NKAIN2: variants seen among roughly 807,000 people sequenced by gnomAD.
NKAIN2 encodes the protein sodium/potassium transporting ATPase interacting 2.
A neutral mutation model predicts 32.6 loss-of-function variants in NKAIN2; 14 were observed. That is an observed-to-expected ratio of 0.43 (90% CI 0.28 to 0.67). The LOEUF is 0.67. NKAIN2 is among the 30% of genes least tolerant of loss of function. The probability of loss-of-function intolerance (pLI) is 0.17; values close to 1 mark genes in which losing one functional copy is unlikely to be tolerated. For missense variants in NKAIN2, 198 were observed against 258.3 expected (o/e 0.77, Z 1.60); for synonymous variants, 80 against 87.2 (o/e 0.92, Z 0.46).
chr6:124,613,080 G>A (rs994994618), intron 3 of NKAIN2, among the ~76,000 whole-genome samples: 10 of 152,124 alleles, frequency 6.6e-5, no homozygotes, highest in Non-Finnish European at 1.3e-4. Flanking sequence ...AAGCATGAAC[G>A]TGTTGAACAG....
In NKAIN2 at chr6:124,466,551, C is replaced by T. The variant is rs1040412609; in HGVS notation, c.273+111204C>T. Among the ~76,000 whole-genome samples, 3 of 151,816 alleles carry T rather than the reference C, an allele frequency of 2.0e-5. No homozygotes were observed. In the South Asian group the frequency reaches 6.2e-4, roughly 32 times the overall value. The stretch of plus-strand genomic sequence containing the variant: ...CTGCTCATCCATCAAATCCTATGAC[C>T]TTGAAAGAAGGCAGCAGCCCTTCTT... On this transcript the variant is annotated intron_variant, in intron 3 of 6. Transcript: ENST00000368417.
At chr6:123,952,800 T>A (rs1317504212) in intron 1 of NKAIN2, among the ~76,000 whole-genome samples, 1 of 152,152 alleles carries the variant, frequency 6.6e-6, no homozygotes, top group Non-Finnish European at 1.5e-5. Flanking sequence ...TTGTTCCTAT[T>A]TTTTTGTATT....
At chr6:124,264,707 T>C (rs1223957512) in intron 1 of NKAIN2, among the ~76,000 whole-genome samples, 1 of 152,190 alleles carries the variant, frequency 6.6e-6, no homozygotes, top group Non-Finnish European at 1.5e-5. Flanking sequence ...TACCATAGCC[T>C]TATCATTTTT....
intron 4 of NKAIN2, among the ~76,000 whole-genome samples, chr6:124,759,562 C>T (rs751440925): frequency 1.6e-4 from 24 of 146,186 alleles, no homozygotes; most frequent in South Asian, 4.4e-4. Flanking sequence ...GGAAGTCTGC[C>T]CCCTAGCCAC....
chr6:124,546,834 TAGG>T (rs1019853714), intron 3 of NKAIN2, among the ~76,000 whole-genome samples: 1 of 152,076 alleles, frequency 6.6e-6, no homozygotes, highest in Admixed American at 6.6e-5. Context: ...TGATAGTGAA[TAGG>T]AGAAGAACAT....
intron 1 of NKAIN2, among the ~76,000 whole-genome samples, chr6:124,057,662 A>G (rs973578612): frequency 1.3e-5 from 2 of 150,742 alleles, no homozygotes; most frequent in African/African-American, 4.9e-5. Context: ...ATCCATCTGT[A>G]CTATCAAAAT....
At chr6:123,949,681 G>A (rs969510070) in intron 1 of NKAIN2, among the ~76,000 whole-genome samples, 7 of 151,684 alleles carry the variant, frequency 4.6e-5, no homozygotes, top group African/African-American at 7.3e-5. Context: ...CTTATTTATC[G>A]GTTTAAGATT....
Position 124,650,956 on chromosome 6 carries a change from C to T in NKAIN2, c.274-7230C>T, listed in dbSNP as rs185541590. On this transcript the variant is annotated intron_variant, in intron 3 of 6. Transcript: ENST00000368417. ...TCTTCCTGAGGCAAATTCCCTCTAG[C>T]TTGAGCCTATGAAATCAAAACAAGT... 5.2e-4 allele frequency among the ~76,000 whole-genome samples: 79 copies of T among 152,272 alleles called. No individual in the cohort carries two copies. In the East Asian group the frequency reaches 0.011, roughly 21 times the overall value.
chr6:124,379,529 C>T (rs150428641), intron 3 of NKAIN2, among the ~76,000 whole-genome samples: 389 of 152,040 alleles, frequency 2.6e-3, no homozygotes, highest in African/African-American at 6.5e-3. Context: ...GAATTGGCCC[C>T]GATACAGGTT....
chr6:124,664,143 C>T (rs980857557), intron 4 of NKAIN2, among the ~76,000 whole-genome samples: 11 of 151,812 alleles, frequency 7.2e-5, no homozygotes, highest in Non-Finnish European at 1.3e-4. Context: ...GACATGGTGG[C>T]GGATGCATGT....
chr6:123,809,228 A>G (rs758884771), intron 1 of NKAIN2, among the ~76,000 whole-genome samples: 1 of 152,148 alleles, frequency 6.6e-6, no homozygotes, highest in Non-Finnish European at 1.5e-5. Flanking sequence ...TTTCTGATAT[A>G]ATGAACTCTT....
At chr6:124,136,772 T>G (rs1250921686) in intron 1 of NKAIN2, among the ~76,000 whole-genome samples, 1 of 152,140 alleles carries the variant, frequency 6.6e-6, no homozygotes, top group African/African-American at 2.4e-5. Flanking sequence ...GTCATCTCAA[T>G]AGATGTAGAG....
intron 4 of NKAIN2, among the ~76,000 whole-genome samples, chr6:124,705,161 A>G (rs1461217418): frequency 3.9e-5 from 6 of 152,134 alleles, no homozygotes; most frequent in Non-Finnish European, 7.4e-5. Context: ...CTAGGAAGGA[A>G]TAACTAAGTA....
At chr6:124,538,825 C>T (rs1426835752) in intron 3 of NKAIN2, among the ~76,000 whole-genome samples, 1 of 152,028 alleles carries the variant, frequency 6.6e-6, no homozygotes, top group Non-Finnish European at 1.5e-5. Flanking sequence ...TAGACTTTAC[C>T]CATATTTTTT....
At chr6:123,996,971 G>T (rs574235357) in intron 1 of NKAIN2, among the ~76,000 whole-genome samples, 1 of 152,208 alleles carries the variant, frequency 6.6e-6, no homozygotes, top group Non-Finnish European at 1.5e-5. Flanking sequence ...TGAAAGAGTT[G>T]TTTAGAAAAA....
chr6:123,882,460 G>A (rs1044459016), intron 1 of NKAIN2, among the ~76,000 whole-genome samples: 5 of 152,038 alleles, frequency 3.3e-5, no homozygotes, highest in Admixed American at 6.6e-5. Flanking sequence ...TTAATAGAAG[G>A]AGGTAATTTA....
chr6:123,843,010 G>A (rs1343202304), intron 1 of NKAIN2, among the ~76,000 whole-genome samples: 1 of 152,126 alleles, frequency 6.6e-6, no homozygotes, highest in African/African-American at 2.4e-5. Context: ...ACGAGCTGGG[G>A]CAAGTGCCTT....
At chr6:124,814,127 TGAA>T (rs1781037137) in intron 5 of NKAIN2, among the ~76,000 whole-genome samples, 1 of 152,200 alleles carries the variant, frequency 6.6e-6, no homozygotes, top group African/African-American at 2.4e-5. Flanking sequence ...CATATGTGGT[TGAA>T]GAACCCTTCC....
chr6:124,038,445 C>T (rs1480905794), intron 1 of NKAIN2, among the ~76,000 whole-genome samples: 2 of 151,990 alleles, frequency 1.3e-5, no homozygotes, highest in Non-Finnish European at 2.9e-5. Flanking sequence ...GAACTCCTGA[C>T]CTTGTCATCC....
Sources: allele counts gnomAD v4.1 joint callset (sites outside exome capture counted in the v4.1 genomes callset), GRCh38; gene constraint gnomAD v4.1.1; transcripts MANE v1.5; gene names NCBI Gene and HGNC (gene_info 2026-07-23, HGNC 2026-07-21).